The following RCL1 variants were observed in gnomAD, a reference collection of about 807,000 sequenced individuals.
The protein encoded by RCL1 is RNA terminal phosphate cyclase like 1.
A neutral mutation model predicts 42.4 loss-of-function variants in RCL1; 24 were observed. That is an observed-to-expected ratio of 0.57 (90% CI 0.41 to 0.80). The LOEUF is 0.80. RCL1 is among the 30% of genes least tolerant of loss of function. The pLI, the probability that RCL1 is intolerant of heterozygous loss-of-function variation, is 0.00. For synonymous variants in RCL1, 228 were observed against 177.3 expected (o/e 1.29, Z -2.27); for missense variants, 578 against 467.9 (o/e 1.24, Z -2.17).
chr9:4,855,938 C>T (rs1365508262), intron 8 of RCL1, among the ~76,000 whole-genome samples: 10 of 152,152 alleles, frequency 6.6e-5, no homozygotes, highest in African/African-American at 2.4e-4. Context: ...AGCTGAGGGC[C>T]CGTAGAAATT....
intron 3 of RCL1, among the ~76,000 whole-genome samples, chr9:4,831,002 G>T (rs1816925154): frequency 6.6e-6 from 1 of 152,158 alleles, no homozygotes; most frequent in Non-Finnish European, 1.5e-5. Flanking sequence ...AGCTGCAGGA[G>T]ACTGGAGAGT....
At chr9:4,825,096 G>A (rs1213946456) in intron 2 of RCL1, among the ~76,000 whole-genome samples, 1 of 147,544 alleles carries the variant, frequency 6.8e-6, no homozygotes, top group Non-Finnish European at 1.5e-5. Flanking sequence ...TTTTTTTTTA[G>A]TAGAGACAGG....
intron 8 of RCL1, among the ~76,000 whole-genome samples, chr9:4,851,787 T>C (rs1474693539): frequency 1.3e-5 from 2 of 151,852 alleles, no homozygotes; most frequent in African/African-American, 4.8e-5. Flanking sequence ...TTTTCGTGTG[T>C]ATAAAACAGC....
intron 2 of RCL1, among the ~76,000 whole-genome samples, chr9:4,824,374 ATTTTTTTT>A (rs71326141): frequency 1.7e-5 from 2 of 120,298 alleles, no homozygotes; most frequent in Non-Finnish European, 3.4e-5. Context: ...TTCAGCCAGC[ATTTTTTTT>A]TTTTTTTTTT....
chr9:4,834,209 C>A lies in RCL1; in HGVS notation c.528C>A (p.Val176=), dbSNP rs532877046. Residue 176 remains valine, a synonymous_variant, in exon 5 of 9, where the codon GTC becomes GTA. Coordinates refer to ENST00000381750, the MANE Select transcript of RCL1 (RefSeq NM_005772.5). Reference sequence around the variant, plus strand: ...TTTTCTCATGTCCTGTGAGGAAGGTCTTGAAGCCCATTCAACTCACAGATC... The same window carrying A: ...TTTTCTCATGTCCTGTGAGGAAGGTATTGAAGCCCATTCAACTCACAGATC... The part of the protein sequence containing the change: ...EVVFSCPVRK[V]LKPIQLTDPG... 1.4e-5 allele frequency: 22 copies of A among 1,613,642 alleles called. No individual in the cohort carries two copies. The African/African-American group carries it at 2.9e-4, about 22-fold the overall frequency.
intron 8 of RCL1, among the ~76,000 whole-genome samples, chr9:4,851,907 G>A (rs1455260471): frequency 5.6e-4 from 54 of 97,040 alleles, no homozygotes; most frequent in African/African-American, 2.0e-3. Context: ...TTGAGACAGA[G>A]TTTCGCTCTG....
chr9:4,795,622 A>G (rs35282801), intron 1 of RCL1, among the ~76,000 whole-genome samples: 3,321 of 152,158 alleles, frequency 0.022, 113 homozygotes, highest in African/African-American at 0.075. Context: ...GACTTTTCCT[A>G]ACTCAGATTC....
intron 2 of RCL1, among the ~76,000 whole-genome samples, chr9:4,826,013 T>C (rs1364652107): frequency 1.3e-5 from 2 of 151,686 alleles, no homozygotes; most frequent in Admixed American, 1.3e-4. Flanking sequence ...GAGGATCACT[T>C]GAGCCCAAGA....
At chr9:4,829,276 G>C (rs1215631093) in intron 3 of RCL1, among the ~76,000 whole-genome samples, 2 of 152,182 alleles carry the variant, frequency 1.3e-5, no homozygotes, top group Non-Finnish European at 2.9e-5. Flanking sequence ...AGAGGTGATA[G>C]ACTAGCTTGG....
intron 1 of RCL1, among the ~76,000 whole-genome samples, chr9:4,803,577 C>G (rs993546535): frequency 1.3e-5 from 2 of 152,142 alleles, no homozygotes; most frequent in Admixed American, 6.5e-5. Flanking sequence ...GATCCAATCA[C>G]AGATCCCAAC....
At chr9:4,838,760 G>C (rs1287544920) in intron 5 of RCL1, among the ~76,000 whole-genome samples, 1 of 152,210 alleles carries the variant, frequency 6.6e-6, no homozygotes, top group African/African-American at 2.4e-5. Flanking sequence ...CTGCAAGATT[G>C]TGAGTATATA....
rs186184357 is a variant in RCL1, at chr9:4,807,612, C to T, written c.136+14385C>T. Among the ~76,000 whole-genome samples the T allele has an allele frequency of 5.5e-3, 837 of 152,236 alleles. 6 individuals are homozygous for T. The highest frequency in any genetic ancestry group is 0.019 in the African/African-American group (785 of 41,542). On this transcript the variant is annotated intron_variant, in intron 1 of 8. Transcript: ENST00000381750. Reference sequence around the variant, plus strand: ...TCAGCTCACCACAACCTTCGCCTCCCGGGTTCAAGTGATTCTCCTGCCTCA... The same window carrying T: ...TCAGCTCACCACAACCTTCGCCTCCTGGGTTCAAGTGATTCTCCTGCCTCA...
chr9:4,801,500 T>A (rs1461596527), intron 1 of RCL1, among the ~76,000 whole-genome samples: 1 of 152,244 alleles, frequency 6.6e-6, no homozygotes, highest in East Asian at 1.9e-4. Flanking sequence ...CTTTTGAGAC[T>A]ACTTTATATA....
At chr9:4,827,920 C>G (rs945926325) in intron 3 of RCL1, among the ~76,000 whole-genome samples, 1 of 152,114 alleles carries the variant, frequency 6.6e-6, no homozygotes, top group African/African-American at 2.4e-5. Flanking sequence ...GGCGCAGTGG[C>G]TTACGCCTGT....
chr9:4,830,509 G>T (rs1816909413), intron 3 of RCL1, among the ~76,000 whole-genome samples: 1 of 152,190 alleles, frequency 6.6e-6, no homozygotes, highest in South Asian at 2.1e-4. Flanking sequence ...ATTTTAAAGA[G>T]AAGTTTTAGA....
chr9:4,806,046 T>G (rs182646513), intron 1 of RCL1, among the ~76,000 whole-genome samples: 4,515 of 71,122 alleles, frequency 0.063, 184 homozygotes, highest in African/African-American at 0.18. Flanking sequence ...GTGTGTGTGT[T>G]TGTGTGTGTG....
intron 1 of RCL1, among the ~76,000 whole-genome samples, chr9:4,811,561 C>T (rs1816177211): frequency 6.6e-6 from 1 of 152,148 alleles, no homozygotes; most frequent in African/African-American, 2.4e-5. Context: ...TAATGTTCTA[C>T]AAAAGCCTCT....
At chr9:4,848,210 A>C (rs1355592310) in intron 7 of RCL1, among the ~76,000 whole-genome samples, 2 of 152,250 alleles carry the variant, frequency 1.3e-5, no homozygotes, top group Non-Finnish European at 2.9e-5. Flanking sequence ...TTTGGGTAGA[A>C]AAGGAAAAGG....
At chr9:4,830,162 G>A (rs116852610) in intron 3 of RCL1, among the ~76,000 whole-genome samples, 31 of 152,320 alleles carry the variant, frequency 2.0e-4, no homozygotes, top group Middle Eastern at 3.4e-3. Flanking sequence ...TGAGCAGTGA[G>A]ACATTTTTAT....
Sources: gnomAD v4.1 joint callset for allele counts (sites outside exome capture counted in the v4.1 genomes callset) on GRCh38, gnomAD v4.1.1 for gene constraint, MANE v1.5 for transcripts, NCBI Gene and HGNC (gene_info 2026-07-23, HGNC 2026-07-21) for gene names.